Variants in BFSP2 observed in about 807,000 individuals in gnomAD.
BFSP2 encodes phakinin.
In BFSP2, 38 loss-of-function variants were observed where a neutral mutation model predicts 44.9. The ratio of observed to expected loss-of-function variants is 0.85; its 90% CI spans 0.65 to 1.11. The LOEUF is 1.11. Ranked by LOEUF, BFSP2 falls within the 50% of genes least tolerant of loss-of-function variation. The pLI is 0.00. For missense variants in BFSP2, 525 were observed against 533.0 expected (o/e 0.99, Z 0.15); for synonymous variants, 197 against 209.9 (o/e 0.94, Z 0.53).
At chr3:133,440,534 G>T (rs2107915633) in intron 1 of BFSP2, among the ~76,000 whole-genome samples, 1 of 152,240 alleles carries the variant, frequency 6.6e-6, no homozygotes, top group Non-Finnish European at 1.5e-5. Flanking sequence ...TATGGTAGGG[G>T]TTAAACCTCT....
intron 4 of BFSP2, among the ~76,000 whole-genome samples, chr3:133,463,558 T>A (rs552900794): frequency 1.3e-5 from 2 of 152,362 alleles, no homozygotes; most frequent in South Asian, 4.1e-4. Flanking sequence ...ACTGGAGTTG[T>A]ACACCTGCTC....
intron 1 of BFSP2, among the ~76,000 whole-genome samples, chr3:133,433,265 T>C (rs879441136): frequency 6.6e-6 from 1 of 152,164 alleles, no homozygotes; most frequent in Non-Finnish European, 1.5e-5. Context: ...CACTTAGTTT[T>C]TTGATGGCAG....
chr3:133,453,170 C>A lies in BFSP2; in HGVS notation c.891+2706C>A, dbSNP rs543732974. Among the ~76,000 whole-genome samples, 114 of 152,340 alleles carry A rather than the reference C, an allele frequency of 7.5e-4. No individual in the cohort carries two copies. In the South Asian group the frequency reaches 0.012, roughly 16 times the overall value. On this transcript the variant is annotated intron_variant, in intron 4 of 6. Coordinates refer to ENST00000302334, the MANE Select transcript of BFSP2 (RefSeq NM_003571.4). ...ATCAACAGAGATCTGAACTGACAGC[C>A]AGAATTCCTCCAATAAATAGTTTTG...
At chr3:133,413,158 GT>G (rs1314586208) in intron 1 of BFSP2, among the ~76,000 whole-genome samples, 7 of 152,200 alleles carry the variant, frequency 4.6e-5, no homozygotes, top group African/African-American at 1.7e-4. Flanking sequence ...CTGTTTGGAG[GT>G]TTTACCTTAA....
intron 1 of BFSP2, among the ~76,000 whole-genome samples, chr3:133,446,093 T>C (rs1322092933): frequency 6.6e-6 from 1 of 152,128 alleles, no homozygotes; most frequent in Non-Finnish European, 1.5e-5. Context: ...CAGGCCAAGC[T>C]GGAACAGAAA....
intron 4 of BFSP2, among the ~76,000 whole-genome samples, chr3:133,457,150 G>A (rs1007466792): frequency 6.6e-5 from 10 of 152,190 alleles, no homozygotes; most frequent in Non-Finnish European, 1.0e-4. Context: ...AAAGCAGGAC[G>A]CCTGACAGCA....
intron 1 of BFSP2, among the ~76,000 whole-genome samples, chr3:133,432,739 C>T (rs924042106): frequency 3.3e-5 from 5 of 152,178 alleles, no homozygotes; most frequent in African/African-American, 4.8e-5. Flanking sequence ...TAAAAACACA[C>T]GTGCTCTCCC....
chr3:133,400,090 G>A lies in BFSP2; in HGVS notation c.7G>A (p.Glu3Lys), dbSNP rs1244297285. The A allele has an allele frequency of 1.2e-6, 2 of 1,614,190 alleles. No individual in the cohort carries two copies. The highest frequency in any genetic ancestry group is 1.7e-6 in the Non-Finnish European group (2 of 1,180,034). Residue 3 changes from glutamate (E) to lysine (K), a missense_variant, in exon 1 of 7, where the codon GAG becomes AAG. Glu to Lys is a moderately conservative substitution (Grantham distance 56, BLOSUM62 1). Coordinates refer to ENST00000302334, the MANE Select transcript of BFSP2 (RefSeq NM_003571.4). The surrounding 1 kb of genome is among the most constrained non-coding windows in gnomAD (Gnocchi z 4.0). Reference protein sequence around the residue: MSERRVVVDLPTS... With the variant: MSKRRVVVDLPTS... ...CACAGAGGCAGAAGGGGTGATGAGT[G>A]AGAGGCGAGTGGTAGTGGACTTGCC...
intron 5 of BFSP2, 25 bp downstream of exon 5, chr3:133,466,984 G>T: frequency 6.2e-7 from 1 of 1,612,292 alleles, no homozygotes; most frequent in Non-Finnish European, 8.5e-7. Context: ...GAAAGACCTG[G>T]TGTCCTTGTG....
chr3:133,412,137 AT>A (rs2073460135), intron 1 of BFSP2, among the ~76,000 whole-genome samples: 1 of 152,260 alleles, frequency 6.6e-6, no homozygotes, highest in Non-Finnish European at 1.5e-5. Flanking sequence ...TTTGTTGAAA[AT>A]AATCTCAGGC....
intron 4 of BFSP2, among the ~76,000 whole-genome samples, chr3:133,452,063 T>G (rs2073970609): frequency 6.6e-6 from 1 of 152,218 alleles, no homozygotes; most frequent in Non-Finnish European, 1.5e-5. Context: ...TTTTCAAAAA[T>G]CGCCATCCCA....
chr3:133,468,070 A>G (rs2074128934), intron 5 of BFSP2, among the ~76,000 whole-genome samples: 1 of 152,210 alleles, frequency 6.6e-6, no homozygotes, highest in Non-Finnish European at 1.5e-5. Flanking sequence ...GTGGATGCAC[A>G]TGAGCATGCT....
rs1018727316 is a variant in BFSP2, at chr3:133,418,852, C to T, written c.489+18280C>T. 2.6e-5 allele frequency among the ~76,000 whole-genome samples: 4 copies of T among 152,206 alleles called. No homozygotes were observed. The South Asian group carries it at 8.3e-4, about 32-fold the overall frequency. On this transcript the variant is annotated intron_variant, in intron 1 of 6. Coordinates refer to ENST00000302334, the MANE Select transcript of BFSP2 (RefSeq NM_003571.4). The stretch of plus-strand genomic sequence containing the variant: ...CCTTGTGTTGCGTGACGTCTGCAAA[C>T]GTTAACAAGAACTTTCACTCTCTGT...
intron 1 of BFSP2, among the ~76,000 whole-genome samples, chr3:133,416,015 C>T (rs1380745613): frequency 7.1e-6 from 1 of 140,790 alleles, no homozygotes; most frequent in African/African-American, 2.7e-5. Context: ...TCACCCCGTC[C>T]TCTCCCCTCT....
Sources: gnomAD v4.1 joint callset for allele counts (sites outside exome capture counted in the v4.1 genomes callset) on GRCh38, gnomAD v4.1.1 for gene constraint, Gnocchi (gnomAD v3.1) non-coding constraint, MANE v1.5 for transcripts, NCBI Gene and HGNC (gene_info 2026-07-23, HGNC 2026-07-21) for gene names.